The following RELN variants were observed in gnomAD, a reference collection of about 807,000 sequenced individuals.
The protein encoded by RELN is reelin.
In RELN, 108 loss-of-function variants were observed where a neutral mutation model predicts 427.6. The observed-to-expected ratio is 0.25, with a 90% confidence interval of 0.22 to 0.30. RELN has a LOEUF of 0.30. Ranked by LOEUF, RELN falls within the 10% of genes least tolerant of loss-of-function variation. RELN has a pLI of 1.00. For synonymous variants in RELN, 1,524 were observed against 1,513.4 expected (o/e 1.01, Z -0.16); for missense variants, 3,715 against 4,302.8 (o/e 0.86, Z 3.82).
intron 2 of RELN, among the ~76,000 whole-genome samples, chr7:103,889,106 T>C (rs1470853960): frequency 2.0e-5 from 3 of 152,210 alleles, no homozygotes; most frequent in African/African-American, 7.2e-5. Flanking sequence ...TATAGAAACT[T>C]ATCAAGGGTG....
rs57844600 is a variant in RELN at position 103,482,982 on chromosome 7, C to T, written c.10182-11G>A. 4,672 of 1,611,110 alleles carry T rather than the reference C, an allele frequency of 2.9e-3. 135 individuals carry two copies. The African/African-American group carries it at 0.054, about 19-fold the overall frequency. On this transcript the variant is annotated splice_polypyrimidine_tract_variant and intron_variant, in intron 62 of 64. Coordinates refer to ENST00000428762, the MANE Select transcript of RELN (RefSeq NM_005045.4). Reference sequence around the variant, plus strand: ...TTCATCCGTGCCTCCCTGGGTCACACACAGAAGGACAAAGAAGTTATACAT... The same window carrying T: ...TTCATCCGTGCCTCCCTGGGTCACATACAGAAGGACAAAGAAGTTATACAT...
rs750764421 is a variant in RELN at position 103,522,085 on chromosome 7, G to A, written c.7605C>T (p.Asn2535=). The A allele has an allele frequency of 2.2e-5, 35 of 1,613,868 alleles. No individual in the cohort carries two copies. The highest frequency in any genetic ancestry group is 2.7e-5 in the African/African-American group (2 of 74,852). ...APSSQNWLTV[N]GGKLSTVCGA... is the part of the protein sequence containing the mutation. ...CACACACTGTACTCAATTTCCCTCC[G>A]TTCACAGTCAGCCAGTTCTGACTGG... is the stretch of plus-strand genomic sequence containing the variant. Residue 2535 remains asparagine (N), a synonymous_variant, in exon 48 of 65, where the codon AAC becomes AAT. Coordinates refer to ENST00000428762, the MANE Select transcript of RELN (RefSeq NM_005045.4).
rs114894883 is a variant in RELN, at chr7:103,522,055, G to A, written c.7635C>T (p.Ala2545=). The A allele has an allele frequency of 8.3e-5, 134 of 1,613,926 alleles. No individual in the cohort carries two copies. The East Asian group carries it at 2.7e-3, about 33-fold the overall frequency. The part of the protein sequence containing the change: ...NGGKLSTVCG[A]VASGMALHFS... The stretch of plus-strand genomic sequence containing the variant: ...AATGGAGAGCCATTCCCGACGCCAC[G>A]GCTCCACACACTGTACTCAATTTCC... The change falls in exon 48 of 65, where the codon GCC becomes GCT. Residue 2545 remains alanine, a synonymous_variant. Coordinates refer to ENST00000428762, the MANE Select transcript of RELN (RefSeq NM_005045.4).
At chr7:103,749,614 A>C (rs1790943146) in intron 5 of RELN, 110 bp from the exon 6 acceptor site, 1 of 802,420 alleles carries the variant, frequency 1.2e-6, no homozygotes, top group African/African-American at 1.7e-5. Flanking sequence ...CCTAAAACTA[A>C]ATTTTAAATG....
intron 3 of RELN, among the ~76,000 whole-genome samples, chr7:103,801,220 C>A (rs1422689065): frequency 6.6e-6 from 1 of 152,174 alleles, no homozygotes; most frequent in Non-Finnish European, 1.5e-5. Context: ...ACCCAGCCAT[C>A]CCATTACTGG....
intron 49 of RELN, among the ~76,000 whole-genome samples, chr7:103,518,505 G>GTTTGTTTTTTTTT (rs1829625291): frequency 8.7e-6 from 1 of 114,404 alleles, no homozygotes; most frequent in African/African-American, 4.6e-5. Context: ...GGTAATTTAA[G>GTTTGTTTTTTTTT]TTTTTTTTTT....
At chr7:103,551,917 T>C (rs1414008308) in intron 40 of RELN, among the ~76,000 whole-genome samples, 1 of 149,012 alleles carries the variant, frequency 6.7e-6, no homozygotes, top group African/African-American at 2.5e-5. Context: ...CTTCCATAGT[T>C]ACCTTCTGTG....
At chr7:103,690,559 A>G (rs1833853220) in intron 10 of RELN, among the ~76,000 whole-genome samples, 1 of 152,140 alleles carries the variant, frequency 6.6e-6, no homozygotes, top group Non-Finnish European at 1.5e-5. Flanking sequence ...ATACTTGATT[A>G]TTCTAGAAAT....
chr7:103,707,568 G>T (rs919045818), intron 8 of RELN, among the ~76,000 whole-genome samples: 1 of 150,412 alleles, frequency 6.6e-6, no homozygotes, highest in Non-Finnish European at 1.5e-5. Context: ...GCGCGATCTC[G>T]GCTCACTGCA....
At chr7:103,584,174 G>A (rs1162208489) in intron 28 of RELN, among the ~76,000 whole-genome samples, 1 of 152,200 alleles carries the variant, frequency 6.6e-6, no homozygotes, top group East Asian at 1.9e-4. Flanking sequence ...CCCAGGGAAA[G>A]GACAGTGCAG....
intron 22 of RELN, among the ~76,000 whole-genome samples, chr7:103,609,465 A>G (rs997532002): frequency 6.6e-6 from 1 of 152,192 alleles, no homozygotes; most frequent in Non-Finnish European, 1.5e-5. Context: ...TCTTGATTAT[A>G]TTCCCAGCAG....
intron 11 of RELN, among the ~76,000 whole-genome samples, chr7:103,666,167 C>T (rs770758982): frequency 8.6e-5 from 13 of 151,864 alleles, no homozygotes; most frequent in African/African-American, 3.1e-4. Flanking sequence ...TGGGCTCAAG[C>T]GAACCGCCCA....
At position 103,495,864 on chromosome 7, in the gene RELN, G is replaced by A. The variant is rs1370673061; in HGVS notation, c.9228C>T (p.Tyr3076=). The A allele has an allele frequency of 1.2e-6, 2 of 1,613,954 alleles. No homozygotes were observed. Among genetic ancestry groups the A allele is most frequent in the Non-Finnish European group, 1.7e-6 (2 of 1,179,996 alleles). ...ATCCTGCTGTCCTTACAGCATTAGG[G>A]TAAAAACTCCAGTTTTCTTCATGGG... The part of the protein sequence containing the change: ...GTSHEENWSF[Y]PNAVRTAGFC... The change falls in exon 57 of 65, where the codon TAC becomes TAT. Residue 3076 remains tyrosine, a synonymous_variant. Transcript: ENST00000428762.
At chr7:103,624,789 A>C (rs1454053126) in intron 20 of RELN, among the ~76,000 whole-genome samples, 1 of 152,032 alleles carries the variant, frequency 6.6e-6, no homozygotes, top group Non-Finnish European at 1.5e-5. Flanking sequence ...CTTTCTTTGT[A>C]CTTTCACTAC....
At chr7:103,764,608 C>A (rs926191818) in intron 4 of RELN, among the ~76,000 whole-genome samples, 2 of 151,600 alleles carry the variant, frequency 1.3e-5, no homozygotes, top group Non-Finnish European at 2.9e-5. Flanking sequence ...GAGGCTGAGG[C>A]GAGTGGATCA....
chr7:103,778,008 G>A (rs1791789244), intron 3 of RELN, among the ~76,000 whole-genome samples: 1 of 152,072 alleles, frequency 6.6e-6, no homozygotes, highest in Non-Finnish European at 1.5e-5. Flanking sequence ...CATATGTGAA[G>A]CTTATAAGGG....
chr7:103,610,112 T>C (rs1393865741), intron 22 of RELN, among the ~76,000 whole-genome samples: 2 of 152,200 alleles, frequency 1.3e-5, no homozygotes, highest in South Asian at 2.1e-4. Flanking sequence ...TTACATCTTT[T>C]TGAGTGATCA....
chr7:103,662,971 T>TCG (rs1833177969), intron 11 of RELN, among the ~76,000 whole-genome samples: 1 of 152,172 alleles, frequency 6.6e-6, no homozygotes, highest in Non-Finnish European at 1.5e-5. Flanking sequence ...TTGTACCATG[T>TCG]CTCTTCTGCC....
intron 40 of RELN, among the ~76,000 whole-genome samples, chr7:103,551,940 T>TGTGTGTGC (rs1554376292): frequency 6.8e-6 from 1 of 146,348 alleles, no homozygotes; most frequent in Non-Finnish European, 1.5e-5. Context: ...TGTGTGTGGG[T>TGTGTGTGC]GTGTGTGTGT....
Sources: gnomAD v4.1 joint callset for allele counts (sites outside exome capture counted in the v4.1 genomes callset) on GRCh38, gnomAD v4.1.1 for gene constraint, MANE v1.5 for transcripts, NCBI Gene and HGNC (gene_info 2026-07-23, HGNC 2026-07-21) for gene names.